The following ABI3BP variants were observed in gnomAD, a reference collection of about 807,000 sequenced individuals.
ABI3BP encodes the protein target of Nesh-SH3.
A neutral mutation model predicts 268.6 loss-of-function variants in ABI3BP; 216 were observed. The observed-to-expected ratio is 0.80, with a 90% CI of 0.72 to 0.90. The LOEUF (loss-of-function observed/expected upper bound fraction) is 0.90. ABI3BP is among the 40% of genes least tolerant of loss of function. ABI3BP has a pLI of 0.00. For synonymous variants in ABI3BP, 730 were observed against 730.0 expected (o/e 1.00, Z 0.00); for missense variants, 2,090 against 2,182.4 (o/e 0.96, Z 0.84).
intron 4 of ABI3BP, among the ~76,000 whole-genome samples, chr3:100,891,573 G>C (rs756719610): frequency 4.6e-5 from 7 of 152,150 alleles, no homozygotes; most frequent in Non-Finnish European, 8.8e-5. Context: ...GATGATAATA[G>C]AGCAGAGTTT....
intron 14 of ABI3BP, among the ~76,000 whole-genome samples, chr3:100,856,303 A>G (rs75858320): frequency 3.3e-5 from 5 of 152,356 alleles, no homozygotes; most frequent in African/African-American, 1.2e-4. Context: ...GAAATGATAT[A>G]TAGGACTCAA....
At chr3:100,975,458 G>A (rs1303918476) in intron 1 of ABI3BP, among the ~76,000 whole-genome samples, 4 of 152,074 alleles carry the variant, frequency 2.6e-5, no homozygotes, top group Non-Finnish European at 4.4e-5. Flanking sequence ...AGGACAGGAT[G>A]GGAAATGGAT....
intron 50 of ABI3BP, among the ~76,000 whole-genome samples, chr3:100,805,872 A>AT (rs1337247627): frequency 6.6e-6 from 1 of 151,866 alleles, no homozygotes; most frequent in Non-Finnish European, 1.5e-5. Flanking sequence ...ACTATTATAA[A>AT]TTTTTTTTCC....
intron 1 of ABI3BP, among the ~76,000 whole-genome samples, chr3:100,934,004 C>G (rs1420316646): frequency 6.6e-6 from 1 of 151,798 alleles, no homozygotes; most frequent in Admixed American, 6.6e-5. Context: ...TAATTATACT[C>G]TAAGTTCTGG....
At chr3:100,985,853 C>T (rs935709484) in intron 1 of ABI3BP, among the ~76,000 whole-genome samples, 13 of 152,184 alleles carry the variant, frequency 8.5e-5, no homozygotes, top group East Asian at 1.9e-4. Context: ...AGGAAGTTGA[C>T]GGAGTTTTAA....
At chr3:100,882,327 C>T (rs2118172) in intron 6 of ABI3BP, among the ~76,000 whole-genome samples, 104,888 of 151,626 alleles carry the variant, frequency 0.69, 37,681 homozygotes, top group Non-Finnish European at 0.78. Context: ...CAAACCACTT[C>T]TCAGAATCAA....
intron 1 of ABI3BP, among the ~76,000 whole-genome samples, chr3:100,960,978 C>T (rs73144910): frequency 0.12 from 17,568 of 152,272 alleles, 1,290 homozygotes; most frequent in Middle Eastern, 0.2. Context: ...CCCACCCAGA[C>T]TTCTGACCTA....
chr3:100,752,820 TGA>T lies in ABI3BP; in HGVS notation c.5087_5088del (p.Leu1696GlnfsTer16). The T allele has an allele frequency of 1.2e-6, 2 of 1,613,470 alleles. No homozygotes were observed. The highest frequency in any genetic ancestry group is 1.7e-6 in the Non-Finnish European group (2 of 1,179,682). On this transcript the variant is annotated frameshift_variant, in exon 66 of 68. Transcript: ENST00000471714. LOFTEE classifies it high-confidence loss of function. ...GAGTCGCTCAAGTAAATCTTGTATC[TGA>T]GAGAGTTGCACAGCTGCACTCCTAC... ...KFVGVQLCNS[L>X]RYKIYLSDSL...
chr3:100,922,592 TGTGAC>T (rs1407423577), intron 2 of ABI3BP, among the ~76,000 whole-genome samples: 2 of 151,668 alleles, frequency 1.3e-5, no homozygotes, highest in East Asian at 1.9e-4. Flanking sequence ...GTGATGGTGA[TGTGAC>T]GTGACGTGAT....
chr3:100,754,279 T>G (rs1281666538), intron 64 of ABI3BP, among the ~76,000 whole-genome samples: 2 of 152,230 alleles, frequency 1.3e-5, no homozygotes, highest in Admixed American at 1.3e-4. Flanking sequence ...ATTGGGAAGT[T>G]TGACAGCTGT....
intron 1 of ABI3BP, among the ~76,000 whole-genome samples, chr3:100,979,850 AC>A (rs1301506285): frequency 6.6e-6 from 1 of 152,226 alleles, no homozygotes; most frequent in African/African-American, 2.4e-5. Flanking sequence ...TGAGAAAGGC[AC>A]CTGAGAATAT....
chr3:100,833,195 A>T (rs1353627174), intron 29 of ABI3BP, 38 bp from the exon 30 acceptor site: 1 of 1,509,792 alleles, frequency 6.6e-7, no homozygotes, highest in East Asian at 2.5e-5. Context: ...TTTAAAAAGA[A>T]ATAAATGTTA....
At chr3:100,954,609 A>G (rs114013926) in intron 1 of ABI3BP, among the ~76,000 whole-genome samples, 2,927 of 152,338 alleles carry the variant, frequency 0.019, 39 homozygotes, top group Middle Eastern at 0.034. Context: ...ACTTTACAAT[A>G]TAAGTCTCAG....
chr3:100,942,642 G>A (rs2069959487), intron 1 of ABI3BP, among the ~76,000 whole-genome samples: 1 of 152,016 alleles, frequency 6.6e-6, no homozygotes, highest in Admixed American at 6.6e-5. Context: ...GTAGTATTAA[G>A]TGCTCTTGAT....
intron 21 of ABI3BP, among the ~76,000 whole-genome samples, chr3:100,841,558 C>T (rs564640773): frequency 1.3e-5 from 2 of 151,924 alleles, no homozygotes; most frequent in South Asian, 2.1e-4. Context: ...AGTATATCTT[C>T]GGGCAAAAAT....
At chr3:100,797,224 T>C (rs956419877) in intron 51 of ABI3BP, among the ~76,000 whole-genome samples, 1 of 152,100 alleles carries the variant, frequency 6.6e-6, no homozygotes, top group African/African-American at 2.4e-5. Context: ...TATTTTTTAA[T>C]GTTTGTGTTC....
intron 1 of ABI3BP, among the ~76,000 whole-genome samples, chr3:100,955,280 G>A (rs1211127808): frequency 1.3e-5 from 2 of 152,164 alleles, no homozygotes; most frequent in Admixed American, 6.5e-5. Flanking sequence ...TCAGACGGGT[G>A]TCTCAATAGC....
chr3:100,935,071 G>A (rs911789346), intron 1 of ABI3BP, among the ~76,000 whole-genome samples: 2 of 152,204 alleles, frequency 1.3e-5, no homozygotes, highest in South Asian at 2.1e-4. Flanking sequence ...TTCCTGAATC[G>A]TATTGCCTAG....
At chr3:100,902,862 T>C (rs1305504154) in intron 2 of ABI3BP, among the ~76,000 whole-genome samples, 176 bp from the exon 3 acceptor site, 2 of 152,164 alleles carry the variant, frequency 1.3e-5, no homozygotes, top group Non-Finnish European at 2.9e-5. Context: ...ATTAAGTCAT[T>C]AAAATGAAAA....
Sources: allele counts gnomAD v4.1 joint callset (sites outside exome capture counted in the v4.1 genomes callset), GRCh38; gene constraint gnomAD v4.1.1; transcripts MANE v1.5; gene names NCBI Gene and HGNC (gene_info 2026-07-23, HGNC 2026-07-21).